HDGFL2: variants seen among roughly 807,000 people sequenced by gnomAD.
HDGFL2 encodes the protein hepatoma-derived growth factor-related protein 2.
Under a neutral mutation model 77.1 loss-of-function variants are expected in HDGFL2, and 36 were observed. That is an observed-to-expected ratio of 0.47 (90% CI 0.36 to 0.62). The LOEUF (loss-of-function observed/expected upper bound fraction) is 0.62, where lower values mean the gene tolerates loss of function less well. Ranked by LOEUF, HDGFL2 falls within the 20% of genes least tolerant of loss-of-function variation. The pLI is 0.00. For missense variants in HDGFL2, 976 were observed against 973.4 expected (o/e 1.00, Z -0.04); for synonymous variants, 463 against 413.1 (o/e 1.12, Z -1.46).
At chr19:4,481,341 C>T (rs1975212103) in intron 3 of HDGFL2, among the ~76,000 whole-genome samples, 3 of 152,096 alleles carry the variant, frequency 2.0e-5, no homozygotes, top group South Asian at 4.2e-4. Flanking sequence ...CAGGCGCCCG[C>T]CACCACTCCT....
intron 10 of HDGFL2, chr19:4,497,652 C>G (rs1223670173): frequency 1.3e-5 from 6 of 444,872 alleles, no homozygotes; most frequent in Non-Finnish European, 2.4e-5. Flanking sequence ...AGGGCCTTTT[C>G]CTAGCTCGCT....
At chr19:4,477,973 G>A (rs567641240) in intron 3 of HDGFL2, among the ~76,000 whole-genome samples, 7 of 151,666 alleles carry the variant, frequency 4.6e-5, no homozygotes, top group African/African-American at 1.7e-4. Context: ...CCAGCTACTC[G>A]GGAGGCTGAG....
chr19:4,486,078 C>G (rs1337175643), intron 3 of HDGFL2, among the ~76,000 whole-genome samples: 3 of 147,554 alleles, frequency 2.0e-5, no homozygotes, highest in African/African-American at 5.0e-5. Context: ...AAAACAACAA[C>G]CACGAAAACT....
intron 3 of HDGFL2, among the ~76,000 whole-genome samples, chr19:4,484,282 C>T (rs888892929): frequency 6.6e-6 from 1 of 150,804 alleles, no homozygotes; most frequent in African/African-American, 2.4e-5. Flanking sequence ...CAGCATTTGG[C>T]CATCTTGGCC....
Position 4,472,401 on chromosome 19 carries a change from C to T in HDGFL2, c.51C>T (p.Gly17=), listed in dbSNP as rs1974960509. Reference sequence around the variant, plus strand: ...ACTTGGTGTTCGCTAAGATGAAGGGCTACCCTCACTGGCCTGCCAGGGTGA... The same window carrying T: ...ACTTGGTGTTCGCTAAGATGAAGGGTTACCCTCACTGGCCTGCCAGGGTGA... ...PGDLVFAKMK[G]YPHWPARIDD... Residue 17 remains glycine, a synonymous_variant, in exon 1 of 16, where the codon GGC becomes GGT. Transcript: ENST00000616600. 2.7e-6 allele frequency: 4 copies of T among 1,476,236 alleles called. No homozygotes were observed. The highest frequency in any genetic ancestry group is 2.4e-4 in the Middle Eastern group (1 of 4,244). The allele number at this position is 1,476,236 out of a possible 1,614,324, so 91.4% of individuals were successfully genotyped here.
At chr19:4,476,080 C>G (rs1265162248) in intron 3 of HDGFL2, among the ~76,000 whole-genome samples, 4 of 150,514 alleles carry the variant, frequency 2.7e-5, no homozygotes, top group African/African-American at 9.9e-5. Flanking sequence ...TTAATAGAGA[C>G]AGGGTTTCAC....
chr19:4,498,287 GCTCT>G lies in HDGFL2; in HGVS notation c.1403-13_1403-10del, dbSNP rs767242496. The G allele has an allele frequency of 1.7e-5, 27 of 1,608,056 alleles. No homozygotes were observed. The highest frequency in any genetic ancestry group is 2.1e-5 in the Non-Finnish European group (25 of 1,175,892). On this transcript the variant is annotated splice_polypyrimidine_tract_variant and intron_variant, in intron 11 of 15. Transcript: ENST00000616600. ...GTGGCCCTGCCTGGGCCCACACGGT[GCTCT>G]CTCTCCTGGCCCAGAGCCCTCCGTG... is the stretch of plus-strand genomic sequence containing the variant.
chr19:4,491,282 C>T, intron 4 of HDGFL2, among the ~76,000 whole-genome samples: 1 of 128,166 alleles, frequency 7.8e-6, no homozygotes, highest in Non-Finnish European at 1.7e-5. Flanking sequence ...CCCCCACCCC[C>T]CCCGGCGCAG....
Position 4,493,965 on chromosome 19 carries a change from T to C in HDGFL2, c.839-17T>C. 1 of 1,601,202 alleles carries C rather than the reference T, an allele frequency of 6.2e-7. No individual in the cohort carries two copies. Among genetic ancestry groups the C allele is most frequent in the Non-Finnish European group, 8.5e-7 (1 of 1,174,152 alleles). The stretch of plus-strand genomic sequence containing the variant: ...AGCCCTGGAAGGGAAGGTCACCCCC[T>C]CCTCCTCTTCCTGTAGCGGAGAAGC... On this transcript the variant is annotated splice_polypyrimidine_tract_variant and intron_variant, in intron 7 of 15. Transcript: ENST00000616600.
At chr19:4,498,736 C>A in intron 12 of HDGFL2, 78 bp from the exon 13 acceptor site, 1 of 919,796 alleles carries the variant, frequency 1.1e-6, no homozygotes, top group Non-Finnish European at 1.7e-6. Flanking sequence ...AGGATGTCTT[C>A]CTCCACCCAT....
At position 4,492,545 on chromosome 19, in the gene HDGFL2, G is replaced by T. The variant is rs942498701; in HGVS notation, c.678+710G>T. Among the ~76,000 whole-genome samples, 4 of 151,618 alleles carry T rather than the reference G, an allele frequency of 2.6e-5. No homozygotes were observed. In the East Asian group the frequency reaches 7.7e-4, roughly 29 times the overall value. ...TTGTGTGTCTGTGTGTGGTGTCTGT[G>T]TTGTGTGTGTTTGTGTGTCTGGTGT... On this transcript the variant is annotated intron_variant, in intron 6 of 15. Coordinates refer to ENST00000616600, the MANE Select transcript of HDGFL2 (RefSeq NM_001001520.3).
In HDGFL2 at chr19:4,492,098, G is replaced by A. The variant is rs1032301139; in HGVS notation, c.678+263G>A. Among the ~76,000 whole-genome samples, 9 of 152,358 alleles carry A rather than the reference G, an allele frequency of 5.9e-5. No individual in the cohort carries two copies. The South Asian group carries it at 1.9e-3, about 32-fold the overall frequency. ...AAGCAGTCCTGACGCGCCTGCATGA[G>A]AGTGAGAGAGTGAGAAAGCAAGAGC... On this transcript the variant is annotated intron_variant, in intron 6 of 15. Transcript: ENST00000616600.
chr19:4,474,519 C>T (rs897410500), intron 1 of HDGFL2, among the ~76,000 whole-genome samples: 13 of 151,952 alleles, frequency 8.6e-5, no homozygotes, highest in Admixed American at 3.9e-4. Flanking sequence ...CGGGAGCCCC[C>T]TAGAAGCTGG....
At position 4,494,156 on chromosome 19, in the gene HDGFL2, C is replaced by T. The variant is rs1030111279; in HGVS notation, c.915-10C>T. Reference sequence around the variant, plus strand: ...GAACGGAGGTCCCCAACCGCCCCCTCCGCCTCCAGTGACAGCGACGAGGTG... The same window carrying T: ...GAACGGAGGTCCCCAACCGCCCCCTTCGCCTCCAGTGACAGCGACGAGGTG... On this transcript the variant is annotated splice_polypyrimidine_tract_variant and intron_variant, in intron 8 of 15. Transcript: ENST00000616600. The T allele has an allele frequency of 6.7e-7, 1 of 1,491,478 alleles. No individual in the cohort carries two copies. Among genetic ancestry groups the T allele is most frequent in the Non-Finnish European group, 8.9e-7 (1 of 1,122,966 alleles). The allele number at this position is 1,491,478 out of a possible 1,614,324, so 92.4% of individuals were successfully genotyped here.
intron 3 of HDGFL2, among the ~76,000 whole-genome samples, chr19:4,479,679 G>A (rs1975164602): frequency 6.6e-6 from 1 of 151,830 alleles, no homozygotes; most frequent in South Asian, 2.1e-4. Context: ...GAGGCCAAGA[G>A]GGTGGGTCAC....
chr19:4,491,844 C>T lies in HDGFL2; in HGVS notation c.678+9C>T. 1 of 1,612,490 alleles carries T rather than the reference C, an allele frequency of 6.2e-7. No individual in the cohort carries two copies. The highest frequency in any genetic ancestry group is 8.5e-7 in the Non-Finnish European group (1 of 1,178,730). On this transcript the variant is annotated intron_variant, in intron 6 of 15. Coordinates refer to ENST00000616600, the MANE Select transcript of HDGFL2 (RefSeq NM_001001520.3). ...GGGGACGGAAAAAAAAGGTAGCGTG[C>T]ACTTGACTTTGTTTCCCATGCCCAC...
At chr19:4,490,873 G>A (rs991327912) in intron 4 of HDGFL2, among the ~76,000 whole-genome samples, 2 of 151,178 alleles carry the variant, frequency 1.3e-5, no homozygotes, top group African/African-American at 4.9e-5. Flanking sequence ...GTGTGATGGC[G>A]CAATCTCGGC....
intron 6 of HDGFL2, among the ~76,000 whole-genome samples, chr19:4,492,155 G>A (rs1975532211): frequency 2.0e-5 from 3 of 152,206 alleles, no homozygotes; most frequent in Admixed American, 2.0e-4. Context: ...GGAGAGAGGT[G>A]TGTGCCAGTG....
At position 4,493,641 on chromosome 19, in the gene HDGFL2, G is replaced by A. The variant is rs1256422376; in HGVS notation, c.679-62G>A. On this transcript the variant is annotated intron_variant, in intron 6 of 15. Transcript: ENST00000616600. ...GGGGTGCGGGAGCCTCCTCTGGCCT[G>A]GTGCGCCCCGCTTCTCACGGTGGGG... The A allele has an allele frequency of 1.0e-5, 14 of 1,384,678 alleles. No homozygotes were observed. In the Admixed American group the frequency reaches 4.3e-4, roughly 42 times the overall value. The allele number at this position is 1,384,678 out of a possible 1,614,324, so 85.8% of individuals were successfully genotyped here. A position where few individuals can be genotyped will look rare whatever the true frequency, so the allele number is the denominator to read the frequency against.
Sources: gnomAD v4.1 joint callset for allele counts (sites outside exome capture counted in the v4.1 genomes callset) on GRCh38, gnomAD v4.1.1 for gene constraint, MANE v1.5 for transcripts, NCBI Gene and HGNC (gene_info 2026-07-23, HGNC 2026-07-21) for gene names.